LRCH3: variants seen among roughly 807,000 people sequenced by gnomAD.
LRCH3 encodes leucine rich repeats and calponin homology domain containing 3, also known as DISP complex protein LRCH3.
In LRCH3, 68 loss-of-function variants were observed where a neutral mutation model predicts 104.5. That is an observed-to-expected ratio of 0.65 (90% confidence interval 0.54 to 0.80). LRCH3 has a LOEUF of 0.80. LRCH3 is among the 30% of genes least tolerant of loss of function. The pLI is 0.00. For synonymous variants in LRCH3, 344 were observed against 361.3 expected (o/e 0.95, Z 0.54); for missense variants, 951 against 953.9 (o/e 1.00, Z 0.04).
At chr3:197,834,618 C>A (rs1207061648) in intron 8 of LRCH3, among the ~76,000 whole-genome samples, 1 of 152,128 alleles carries the variant, frequency 6.6e-6, no homozygotes, top group Non-Finnish European at 1.5e-5. Flanking sequence ...AGATATTAAG[C>A]CCCAGACCTA....
chr3:197,847,995 A>C lies in LRCH3; in HGVS notation c.1504A>C (p.Arg502=). ...EEKIRTKQIQ[R]DAVLDFVKQK... ...GAAAATAAGGACCAAGCAGATCCAG[A>C]GAGATGCTGTCCTGGACTTTGTCAA... The change falls in exon 12 of 21, where the codon AGA becomes CGA. Residue 502 remains arginine, a synonymous_variant. Transcript: ENST00000425562. 1 of 1,614,150 alleles carries C rather than the reference A, an allele frequency of 6.2e-7. No individual in the cohort carries two copies. Among genetic ancestry groups the C allele is most frequent in the Non-Finnish European group, 8.5e-7 (1 of 1,180,008 alleles).
chr3:197,799,584 T>C (rs1374588815), intron 1 of LRCH3, among the ~76,000 whole-genome samples: 1 of 152,192 alleles, frequency 6.6e-6, no homozygotes, highest in Non-Finnish European at 1.5e-5. Context: ...AACAGGTTTT[T>C]GGCTAGGCGC....
intron 19 of LRCH3, 88 bp from the exon 20 acceptor site, chr3:197,875,610 C>T (rs1015518931): frequency 1.5e-5 from 14 of 941,070 alleles, no homozygotes; most frequent in Admixed American, 6.6e-5. Flanking sequence ...GCCAGGCTTG[C>T]GCCACTGCAC....
At position 197,825,636 on chromosome 3, in the gene LRCH3, C is replaced by T. The variant is rs570554220; in HGVS notation, c.641-1242C>T. 2.0e-4 allele frequency among the ~76,000 whole-genome samples: 30 copies of T among 151,252 alleles called. No individual in the cohort carries two copies. The Middle Eastern group carries it at 0.01, about 52-fold the overall frequency. ...CTGGGACTACAGGCGCCCGCCACCA[C>T]GCCCAGCTAATTTTTTGTATTTTTA... On this transcript the variant is annotated intron_variant, in intron 4 of 20. Transcript: ENST00000425562.
chr3:197,861,281 A>T (rs1213130885), intron 15 of LRCH3, among the ~76,000 whole-genome samples: 2 of 152,166 alleles, frequency 1.3e-5, no homozygotes, highest in Non-Finnish European at 1.5e-5. Flanking sequence ...CTCAACTGGG[A>T]TCCTTACTGG....
intron 13 of LRCH3, among the ~76,000 whole-genome samples, chr3:197,853,290 A>G (rs1049784144): frequency 2.0e-5 from 3 of 151,956 alleles, no homozygotes; most frequent in Admixed American, 1.3e-4. Flanking sequence ...CCCGGGTCCA[A>G]CTGATTCTTC....
At chr3:197,848,131 CTG>C in intron 12 of LRCH3, 110 bp downstream of exon 12, 2 of 1,076,592 alleles carry the variant, frequency 1.9e-6, no homozygotes, top group Non-Finnish European at 2.7e-6. Flanking sequence ...ATTTTTCTCT[CTG>C]TAAGGAATCT....
intron 5 of LRCH3, among the ~76,000 whole-genome samples, chr3:197,828,680 A>C (rs1290856880): frequency 7.6e-6 from 1 of 131,216 alleles, no homozygotes; most frequent in Admixed American, 7.8e-5. Flanking sequence ...TTTATTGACG[A>C]TTTTGTACAA....
At position 197,868,779 on chromosome 3, in the gene LRCH3, A is replaced by G. The variant is rs1357578216; in HGVS notation, c.1874-1381A>G. On this transcript the variant is annotated intron_variant, in intron 17 of 20. Coordinates refer to ENST00000425562, the MANE Select transcript of LRCH3 (RefSeq NM_001365715.1). Reference sequence around the variant, plus strand: ...AGCATAATTTATACAAAGTTCAAAAATGAACCAGACCAGCCTACAGTGTTA... The same window carrying G: ...AGCATAATTTATACAAAGTTCAAAAGTGAACCAGACCAGCCTACAGTGTTA... Among the ~76,000 whole-genome samples the G allele has an allele frequency of 7.2e-5, 11 of 152,352 alleles. No individual in the cohort carries two copies. In the East Asian group the frequency reaches 2.1e-3, roughly 29 times the overall value.
Position 197,871,431 on chromosome 3 carries a change from T to C in LRCH3, c.2099T>C (p.Val700Ala), listed in dbSNP as rs1420763306. ...HLANHVRPRS[V>A]PSIHVPSPAV... ...GCCAATCATGTGCGACCTCGATCTG[T>C]CCCAAGCATTCATGTTCCCTCACCA... The change falls in exon 19 of 21, where the codon GTC becomes GCC. Residue 700 changes from valine to alanine, a missense_variant. Val to Ala is a moderately conservative substitution (Grantham distance 64). Transcript: ENST00000425562. The C allele has an allele frequency of 6.2e-7, 1 of 1,614,008 alleles. No homozygotes were observed. Among genetic ancestry groups the C allele is most frequent in the Non-Finnish European group, 8.5e-7 (1 of 1,179,974 alleles).
intron 11 of LRCH3, 110 bp downstream of exon 11, chr3:197,847,570 C>T (rs1738917991): frequency 1.1e-6 from 1 of 893,220 alleles, no homozygotes; most frequent in Admixed American, 2.6e-5. Flanking sequence ...GCATTACTAG[C>T]TGTCTCAATC....
chr3:197,815,716 C>T (rs1011628428), intron 2 of LRCH3, among the ~76,000 whole-genome samples: 4 of 152,096 alleles, frequency 2.6e-5, no homozygotes, highest in African/African-American at 7.2e-5. Flanking sequence ...TATTAAGTTC[C>T]GAATGTATGA....
intron 5 of LRCH3, among the ~76,000 whole-genome samples, chr3:197,829,087 G>T (rs1337745354): frequency 6.6e-6 from 1 of 152,118 alleles, no homozygotes; most frequent in Non-Finnish European, 1.5e-5. Flanking sequence ...TAAGCCTCAA[G>T]AATTTGTGTT....
chr3:197,857,041 G>A (rs1158078832), intron 14 of LRCH3, among the ~76,000 whole-genome samples: 1 of 151,518 alleles, frequency 6.6e-6, no homozygotes, highest in Non-Finnish European at 1.5e-5. Flanking sequence ...ATTAATATCA[G>A]TTTACACTGA....
rs781473043 is a variant in LRCH3, at chr3:197,866,232, G to T, written c.1873+13G>T. On this transcript the variant is annotated intron_variant, in intron 17 of 20. Transcript: ENST00000425562. ...GAAACCAACAAAGGTAGGTGGTGGT[G>T]ATTTTAAAAGCCAGGAGCGAGGGGA... The T allele has an allele frequency of 6.3e-7, 1 of 1,598,686 alleles. No individual in the cohort carries two copies. The highest frequency in any genetic ancestry group is 8.6e-7 in the Non-Finnish European group (1 of 1,165,984).
chr3:197,853,180 TTTTTTC>T (rs1386601351), intron 13 of LRCH3, among the ~76,000 whole-genome samples: 5 of 152,004 alleles, frequency 3.3e-5, no homozygotes, highest in Non-Finnish European at 5.9e-5. Context: ...AACCTACCAG[TTTTTTC>T]TTTTTCTTTT....
At chr3:197,869,791 G>C (rs1246374040) in intron 17 of LRCH3, among the ~76,000 whole-genome samples, 8 of 103,972 alleles carry the variant, frequency 7.7e-5, no homozygotes, top group Admixed American at 3.6e-4. Flanking sequence ...GGTAGAAAGC[G>C]ATGCACTGTA....
intron 18 of LRCH3, 61 bp downstream of exon 18, chr3:197,870,339 T>A: frequency 6.9e-7 from 1 of 1,453,698 alleles, no homozygotes; most frequent in Non-Finnish European, 9.5e-7. Context: ...CATAATCCTG[T>A]GATCACGTCT....
Position 197,807,050 on chromosome 3 carries a change from A to G in LRCH3, c.263-7858A>G, listed in dbSNP as rs747877974. Among the ~76,000 whole-genome samples the G allele has an allele frequency of 1.6e-3, 235 of 143,856 alleles. 1 individual carries two copies. The highest frequency in any genetic ancestry group is 2.7e-3 in the Non-Finnish European group (173 of 65,060). The allele number at this position is 143,856 out of a possible 152,430, so 94.4% of individuals were successfully genotyped here. A position where few individuals can be genotyped will look rare whatever the true frequency, so the allele number is the denominator to read the frequency against. ...CGAGACCCTGTGTCAAAAAAAAAAA[A>G]CAAACAAACATGCATACACACATAC... On this transcript the variant is annotated intron_variant, in intron 1 of 20. Transcript: ENST00000425562.
Sources: allele counts gnomAD v4.1 joint callset (sites outside exome capture counted in the v4.1 genomes callset), GRCh38; gene constraint gnomAD v4.1.1; transcripts MANE v1.5; gene names NCBI Gene and HGNC (gene_info 2026-07-23, HGNC 2026-07-21).